TEX11: variants seen among roughly 807,000 people sequenced by gnomAD.
The protein encoded by TEX11 is testis-expressed protein 11.
In TEX11, 7 loss-of-function variants were observed where a neutral mutation model predicts 84.4. The observed-to-expected ratio is 0.08, with a 90% CI of 0.05 to 0.16. The LOEUF is 0.16. Ranked by LOEUF, TEX11 falls within the 10% of genes least tolerant of loss-of-function variation. The pLI is 1.00. For missense variants in TEX11, 551 were observed against 660.5 expected, an observed-to-expected ratio of 0.83 and a Z score of 1.82; for synonymous variants, 264 against 222.8, an observed-to-expected ratio of 1.18 and a Z score of -1.64.
chrX:70,573,208 T>G (rs1020502003), intron 25 of TEX11, among the ~76,000 whole-genome samples: 1 of 110,988 alleles, frequency 9.0e-6, no homozygotes, highest in African/African-American at 3.3e-5. Flanking sequence ...CTATATTTCT[T>G]CAGTGACTCC....
At chrX:70,639,060 C>T (rs188328011) in intron 17 of TEX11, among the ~76,000 whole-genome samples, 32 of 110,564 alleles carry the variant, frequency 2.9e-4, no homozygotes, top group African/African-American at 9.5e-4. Context: ...GTGCGCCCAC[C>T]GTGCGCTAGC....
At chrX:70,518,456 G>A in the TEX11 span, among the ~76,000 whole-genome samples, 14 of 112,129 alleles carry the variant, frequency 1.2e-4, no homozygotes, top group East Asian at 1.7e-3. Context: ...TTAATCCTGC[G>A]TTCTAATTTG....
intron 12 of TEX11, among the ~76,000 whole-genome samples, chrX:70,723,302 G>A (rs1238287970): frequency 9.0e-6 from 1 of 111,298 alleles, no homozygotes; most frequent in African/African-American, 3.3e-5. Context: ...AATAATAATA[G>A]AAAAGAAGTA....
intron 28 of TEX11, among the ~76,000 whole-genome samples, chrX:70,531,753 A>T (rs1268789262): frequency 8.9e-6 from 1 of 111,838 alleles, no homozygotes; most frequent in Admixed American, 9.6e-5. Flanking sequence ...AATCTTTTGA[A>T]TATACTATAA....
intron 20 of TEX11, among the ~76,000 whole-genome samples, chrX:70,611,194 G>A (rs1395182694): frequency 5.3e-5 from 6 of 112,440 alleles, no homozygotes; most frequent in African/African-American, 1.9e-4. Context: ...ATGCATGTAA[G>A]GAGCTTGGAA....
At chrX:70,657,815 T>C (rs1387775449) in intron 16 of TEX11, among the ~76,000 whole-genome samples, 3 of 103,319 alleles carry the variant, frequency 2.9e-5, no homozygotes, top group Admixed American at 2.2e-4. Context: ...CTCAGTAAAC[T>C]ATCGCAAGGA....
chrX:70,880,756 T>C, intron 2 of TEX11, among the ~76,000 whole-genome samples: 1 of 110,768 alleles, frequency 9.0e-6, no homozygotes, highest in Non-Finnish European at 1.9e-5. Context: ...AAGAAAAAAA[T>C]GACATGCTCA....
intron 13 of TEX11, among the ~76,000 whole-genome samples, chrX:70,702,211 G>A (rs181570548): frequency 9.0e-6 from 1 of 111,361 alleles, no homozygotes; most frequent in Non-Finnish European, 1.9e-5. Context: ...AATCAATGTG[G>A]TAAACTTCAC....
chrX:70,873,193 C>G, intron 4 of TEX11, 30 bp downstream of exon 4: 1 of 874,096 alleles, frequency 1.1e-6, no homozygotes, highest in Non-Finnish European at 1.7e-6. Flanking sequence ...GAACACGCCT[C>G]ATAATACATG....
chrX:70,769,683 T>C lies in TEX11; in HGVS notation c.693-25464A>G, dbSNP rs752355815. Among the ~76,000 whole-genome samples the C allele has an allele frequency of 2.7e-5, 3 of 111,991 alleles. No homozygotes were observed. In the East Asian group the frequency reaches 8.4e-4, roughly 31 times the overall value. On this transcript the variant is annotated intron_variant, in intron 9 of 29. Transcript: ENST00000374333. ...CTCTTCTTTCTCTTAAAGGAGGTCC[T>C]GAGGCTCTTCTGGTAGAATATAAGG...
chrX:70,553,429 G>A lies in TEX11; in HGVS notation c.2291-15C>T, dbSNP rs1385775339. 2 of 1,121,644 alleles carry A rather than the reference G, an allele frequency of 1.8e-6. No homozygotes were observed. Among genetic ancestry groups the A allele is most frequent in the Admixed American group, 2.4e-5 (1 of 41,139 alleles). 92.4% of individuals were successfully genotyped at this position (1,121,644 alleles called of 1,213,427 possible). A position where few individuals can be genotyped will look rare whatever the true frequency, so the allele number is the denominator to read the frequency against. ...CATTGCTATTACTAGAGTAAGAAAAGGAAAAAGGTTGTGAACATGATAATG... is the reference window on the plus strand; with the variant it reads ...CATTGCTATTACTAGAGTAAGAAAAAGAAAAAGGTTGTGAACATGATAATG... On this transcript the variant is annotated splice_polypyrimidine_tract_variant and intron_variant, in intron 26 of 29. Coordinates refer to ENST00000374333, the MANE Select transcript of TEX11 (RefSeq NM_031276.3).
chrX:70,866,817 C>G (rs2091602013), intron 4 of TEX11, among the ~76,000 whole-genome samples: 1 of 111,861 alleles, frequency 8.9e-6, no homozygotes, highest in Admixed American at 9.6e-5. Context: ...TCAATAGATG[C>G]AGAAAAGGCC....
At chrX:70,728,105 A>G (rs182857976) in intron 11 of TEX11, among the ~76,000 whole-genome samples, 6 of 112,814 alleles carry the variant, frequency 5.3e-5, no homozygotes, top group Non-Finnish European at 9.4e-5. Context: ...TGTTTTCATT[A>G]CTATACAGCA....
At chrX:70,888,645 C>T (rs2091722441) in intron 2 of TEX11, among the ~76,000 whole-genome samples, 1 of 111,474 alleles carries the variant, frequency 9.0e-6, no homozygotes, top group Non-Finnish European at 1.9e-5. Flanking sequence ...AAGAGAAAGA[C>T]ATAGGGATAG....
At chrX:70,618,452 T>A (rs904469040) in intron 20 of TEX11, among the ~76,000 whole-genome samples, 3 of 111,535 alleles carry the variant, frequency 2.7e-5, no homozygotes, top group African/African-American at 9.8e-5. Context: ...CCTAGACATA[T>A]TCCTCTTGTA....
At chrX:70,835,987 G>A (rs550400886) in intron 7 of TEX11, among the ~76,000 whole-genome samples, 16 of 109,329 alleles carry the variant, frequency 1.5e-4, no homozygotes, top group East Asian at 5.7e-4. Flanking sequence ...ATGGTGGTGC[G>A]TGCCTGTAAT....
intron 17 of TEX11, among the ~76,000 whole-genome samples, chrX:70,635,927 C>A (rs996336060): frequency 1.8e-5 from 2 of 111,460 alleles, no homozygotes; most frequent in Non-Finnish European, 3.8e-5. Flanking sequence ...ACAGCCTTCA[C>A]ACCTGCTTAT....
chrX:70,614,547 G>A (rs1003258702), intron 20 of TEX11, among the ~76,000 whole-genome samples: 3 of 111,995 alleles, frequency 2.7e-5, no homozygotes, highest in African/African-American at 3.2e-5. Context: ...CTGGCTCCTG[G>A]ACAGCTTCTC....
intron 8 of TEX11, among the ~76,000 whole-genome samples, chrX:70,819,526 G>A (rs1196399030): frequency 9.0e-6 from 1 of 110,693 alleles, no homozygotes; most frequent in African/African-American, 3.3e-5. Flanking sequence ...TCTAGTACAA[G>A]GCAAGGAAGC....
Sources: allele counts gnomAD v4.1 joint callset (sites outside exome capture counted in the v4.1 genomes callset), GRCh38; gene constraint gnomAD v4.1.1; transcripts MANE v1.5; gene names NCBI Gene and HGNC (gene_info 2026-07-23, HGNC 2026-07-21).